Variants in C8orf33 observed in about 807,000 individuals in gnomAD.
C8orf33 encodes the protein chromosome 8 open reading frame 33, also known as UPF0488 protein C8orf33.
Under a neutral mutation model 25.7 loss-of-function variants are expected in C8orf33, and 28 were observed. The observed-to-expected ratio is 1.09, with a 90% CI of 0.81 to 1.49. C8orf33 has a LOEUF of 1.49. C8orf33 is among the 40% of genes most tolerant of loss of function. The pLI is 0.00. For missense variants in C8orf33, 369 were observed against 294.4 expected (o/e 1.25, Z -1.85); for synonymous variants, 153 against 115.9 (o/e 1.32, Z -2.06).
rs773455210 is a variant in C8orf33, at chr8:145,053,253, G to A, written c.404-44G>A. ...TGGCTTTGCGGCGGGGTGGTAGGAG[G>A]TCAGTAATAGAGGTGTTCACTAGTC... is the stretch of plus-strand genomic sequence containing the variant. On this transcript the variant is annotated intron_variant, in intron 3 of 4. Transcript: ENST00000331434. The A allele has an allele frequency of 5.6e-6, 9 of 1,613,316 alleles. No homozygotes were observed. In the East Asian group the frequency reaches 8.9e-5, roughly 16 times the overall value.
Position 145,054,380 on chromosome 8 carries a change from G to A in C8orf33, c.*223G>A. 2.1e-6 allele frequency: 1 copy of A among 479,910 alleles called. No individual in the cohort carries two copies. Among genetic ancestry groups the A allele is most frequent in the Non-Finnish European group, 3.7e-6 (1 of 269,830 alleles). 29.7% of individuals were successfully genotyped at this position (479,910 alleles called of 1,614,324 possible). ...TGTTCTCTCTTTCAGAAGAGAGAGAGAGGTGCATTTAGAAAATATGCAATA... is the reference window on the plus strand; with the variant it reads ...TGTTCTCTCTTTCAGAAGAGAGAGAAAGGTGCATTTAGAAAATATGCAATA... On this transcript the variant is annotated 3_prime_UTR_variant, in exon 5 of 5. Coordinates refer to ENST00000331434, the MANE Select transcript of C8orf33 (RefSeq NM_023080.3).
intron 4 of C8orf33, 183 bp downstream of exon 4, chr8:145,053,626 T>A: frequency 1.5e-6 from 1 of 657,734 alleles, no homozygotes; most frequent in Non-Finnish European, 2.5e-6. Context: ...GGACTGAACC[T>A]GGGAAGCAGC....
Position 145,052,617 on chromosome 8 carries a change from C to T in C8orf33, c.38C>T (p.Ala13Val), listed in dbSNP as rs199517196. The T allele has an allele frequency of 1.9e-5, 30 of 1,609,286 alleles. No homozygotes were observed. Among genetic ancestry groups the T allele is most frequent in the African/African-American group, 8.0e-5 (6 of 74,958 alleles). ...ALGHLAGEAA[A>V]APGPGTPCAS... is the part of the protein sequence containing the mutation. ...GGACATCTTGCTGGGGAGGCAGCGG[C>T]GGCCCCAGGCCCGGGTACTCCCTGC... The change falls in exon 2 of 5, where the codon GCG (alanine) becomes GTG (valine). Residue 13 changes from alanine (A) to valine (V), a missense_variant. By Grantham distance (64) the Ala-to-Val change is moderately conservative. Transcript: ENST00000331434.
chr8:145,054,078 T>A lies in C8orf33; in HGVS notation c.611T>A (p.Val204Asp). 1 of 1,614,054 alleles carries A rather than the reference T, an allele frequency of 6.2e-7. No homozygotes were observed. Among genetic ancestry groups the A allele is most frequent in the Non-Finnish European group, 8.5e-7 (1 of 1,180,004 alleles). The change falls in exon 5 of 5, where the codon GTC (valine) becomes GAC (aspartate). Residue 204 changes from valine to aspartate, a missense_variant. Transcript: ENST00000331434. ...GCCACCAGAAAGAAGAGCCAAAGGGTCTGCAGGCCTCGCTCTATATGGAGA... is the reference window on the plus strand; with the variant it reads ...GCCACCAGAAAGAAGAGCCAAAGGGACTGCAGGCCTCGCTCTATATGGAGA... ...DGATRKKSQR[V>D]CRPRSIWRAK...
intron 1 of C8orf33, 21 bp downstream of exon 1, chr8:145,052,518 G>T (rs1406146109): frequency 6.2e-7 from 1 of 1,600,106 alleles, no homozygotes; most frequent in Non-Finnish European, 8.5e-7. Context: ...TGGAGAAGAC[G>T]CGCGGGTGGC....
rs754004480 is a variant in C8orf33, at chr8:145,054,284, A to G, written c.*127A>G. 27 of 1,092,700 alleles carry G rather than the reference A, an allele frequency of 2.5e-5. No individual in the cohort carries two copies. Among genetic ancestry groups the G allele is most frequent in the South Asian group, 1.1e-4 (7 of 63,066 alleles). 67.7% of individuals were successfully genotyped at this position (1,092,700 alleles called of 1,614,324 possible). On this transcript the variant is annotated 3_prime_UTR_variant, in exon 5 of 5. Transcript: ENST00000331434. Reference sequence around the variant, plus strand: ...AGTTGGTCTGTCCCTGGCTGGTCCAAGGATTTGTAGCTGTTGTGAAGGTGT... The same window carrying G: ...AGTTGGTCTGTCCCTGGCTGGTCCAGGGATTTGTAGCTGTTGTGAAGGTGT...
At chr8:145,053,899 G>A (rs1459881282) in intron 4 of C8orf33, 119 bp from the exon 5 acceptor site, 11 of 1,254,082 alleles carry the variant, frequency 8.8e-6, no homozygotes, top group East Asian at 2.3e-5. Context: ...TTACAAATTT[G>A]AGGAATTAAT....
At chr8:145,053,997 C>T (rs780451347) in intron 4 of C8orf33, 21 bp from the exon 5 acceptor site, 30 of 1,611,874 alleles carry the variant, frequency 1.9e-5, no homozygotes, top group East Asian at 6.7e-5. Context: ...TTCTGACATA[C>T]GCTGCTTCTC....
chr8:145,053,485 A>T (rs200973104), intron 4 of C8orf33, 42 bp downstream of exon 4: 2 of 1,605,664 alleles, frequency 1.2e-6, no homozygotes, highest in East Asian at 2.2e-5. Context: ...GGCCTAACTT[A>T]AGGAGGAAGT....
chr8:145,053,542 G>T, intron 4 of C8orf33, 99 bp downstream of exon 4: 1 of 1,287,852 alleles, frequency 7.8e-7, no homozygotes. Flanking sequence ...AGCCTGGTGG[G>T]GGAAGGAGAT....
At chr8:145,053,216 G>A (rs1408304759) in intron 3 of C8orf33, 70 bp downstream of exon 3, 1 of 1,612,932 alleles carries the variant, frequency 6.2e-7, no homozygotes, top group African/African-American at 1.3e-5. Flanking sequence ...TGCTGGCAGA[G>A]TATGGAGTTG....
Position 145,054,554 on chromosome 8 carries a change from G to A in C8orf33, c.*397G>A, listed in dbSNP as rs985234669. 3 of 173,832 alleles carry A rather than the reference G, an allele frequency of 1.7e-5. No homozygotes were observed. In the East Asian group the frequency reaches 5.1e-4, roughly 29 times the overall value. 10.8% of individuals were successfully genotyped at this position (173,832 alleles called of 1,614,324 possible). On this transcript the variant is annotated 3_prime_UTR_variant, in exon 5 of 5. Transcript: ENST00000331434. Reference sequence around the variant, plus strand: ...TTTTGAAAGGAATCCCTGTCAAATGGTTTAGTGCTTAATGCTGTTATGTCA... The same window carrying A: ...TTTTGAAAGGAATCCCTGTCAAATGATTTAGTGCTTAATGCTGTTATGTCA...
rs146210967 is a variant in C8orf33, at chr8:145,054,768, C to G, written c.*611C>G. 1 of 152,456 alleles carries G rather than the reference C, an allele frequency of 6.6e-6. No homozygotes were observed. The highest frequency in any genetic ancestry group is 1.9e-4 in the East Asian group (1 of 5,192). 9.4% of individuals were successfully genotyped at this position (152,456 alleles called of 1,614,324 possible). ...CATCCTCAGGGAACCAGCATGGCAC[C>G]TACCAGGCCAGGCTCTGTTCTTAGG... On this transcript the variant is annotated 3_prime_UTR_variant, in exon 5 of 5. Transcript: ENST00000331434.
At position 145,053,473 on chromosome 8, in the gene C8orf33, A is replaced by G. The variant is rs1352108305; in HGVS notation, c.550+30A>G. On this transcript the variant is annotated intron_variant, in intron 4 of 4. Coordinates refer to ENST00000331434, the MANE Select transcript of C8orf33 (RefSeq NM_023080.3). ...GGAGCTAGCCACTGGTTGATTCAGG[A>G]AGGCCTAACTTAAGGAGGAAGTGTC... The G allele has an allele frequency of 3.7e-6, 6 of 1,611,532 alleles. No individual in the cohort carries two copies. The South Asian group carries it at 6.6e-5, about 18-fold the overall frequency.
In C8orf33 at chr8:145,054,708, C is replaced by G. The variant is rs149679143; in HGVS notation, c.*551C>G. ...CTGGGTCCAGTCCCTCACCTGGTAC[C>G]TTTGTGCATGTTGCCTTCATTCCTG... On this transcript the variant is annotated 3_prime_UTR_variant, in exon 5 of 5. Coordinates refer to ENST00000331434, the MANE Select transcript of C8orf33 (RefSeq NM_023080.3). 1 of 152,816 alleles carries G rather than the reference C, an allele frequency of 6.5e-6. No individual in the cohort carries two copies. Among genetic ancestry groups the G allele is most frequent in the East Asian group, 1.9e-4 (1 of 5,186 alleles). The allele number at this position is 152,816 out of a possible 1,614,324, so 9.5% of individuals were successfully genotyped here. A position where few individuals can be genotyped will look rare whatever the true frequency, so the allele number is the denominator to read the frequency against.
chr8:145,052,565 G>C lies in C8orf33; in HGVS notation c.7-21G>C, dbSNP rs1402476591. Reference sequence around the variant, plus strand: ...TTGTTGGCGGCTCTCGGTGACCCTCGTGCTACCCCCCTTTCTCCAGGCCCT... The same window carrying C: ...TTGTTGGCGGCTCTCGGTGACCCTCCTGCTACCCCCCTTTCTCCAGGCCCT... On this transcript the variant is annotated intron_variant, in intron 1 of 4. Coordinates refer to ENST00000331434, the MANE Select transcript of C8orf33 (RefSeq NM_023080.3). 2.5e-6 allele frequency: 4 copies of C among 1,601,774 alleles called. No homozygotes were observed. In the African/African-American group the frequency reaches 4.0e-5, roughly 16 times the overall value.
Position 145,053,136 on chromosome 8 carries a change from C to G in C8orf33, c.393C>G (p.Thr131=), listed in dbSNP as rs1453799752. 1 of 1,614,054 alleles carries G rather than the reference C, an allele frequency of 6.2e-7. No homozygotes were observed. ...LELGLKRQKP[T]PKQKEQAIGA... ...TGGGCCTCAAGAGGCAGAAACCCAC[C>G]CCGAAACAGAGTAAGGGACCCTTCT... is the stretch of plus-strand genomic sequence containing the variant. The change falls in exon 3 of 5, where the codon ACC becomes ACG. Residue 131 remains threonine, a synonymous_variant. Transcript: ENST00000331434.
At position 145,052,800 on chromosome 8, in the gene C8orf33, A is replaced by G. The variant is rs1056519891; in HGVS notation, c.221A>G (p.Lys74Arg). The change falls in exon 2 of 5, where the codon AAG (lysine) becomes AGG (arginine). Residue 74 changes from lysine to arginine, a missense_variant. Lys to Arg is a conservative substitution (Grantham distance 26, BLOSUM62 2). Coordinates refer to ENST00000331434, the MANE Select transcript of C8orf33 (RefSeq NM_023080.3). ...GGTASKKQKN[K>R]KKTRNRASVA... ...ACAGCGTCGAAAAAACAAAAGAATA[A>G]GAAGAAAACGCGGAACAGGGCCTCT... is the stretch of plus-strand genomic sequence containing the variant. The G allele has an allele frequency of 1.9e-6, 3 of 1,614,036 alleles. No homozygotes were observed. The highest frequency in any genetic ancestry group is 2.5e-6 in the Non-Finnish European group (3 of 1,180,012).
chr8:145,054,136 G>GT lies in C8orf33; in HGVS notation c.672dup (p.Arg225Ter). 2 of 1,614,144 alleles carry GT rather than the reference G, an allele frequency of 1.2e-6. No homozygotes were observed. The highest frequency in any genetic ancestry group is 1.7e-6 in the Non-Finnish European group (2 of 1,180,016). On this transcript the variant is annotated frameshift_variant, in exon 5 of 5. Coordinates refer to ENST00000331434, the MANE Select transcript of C8orf33 (RefSeq NM_023080.3). LOFTEE classifies it high-confidence loss of function. ...CCACTCTGGACATGCCTGATGAAGA[G>GT]TTTAGGTTCAATTTCTTTTAGCGTC...
Sources: gnomAD v4.1 joint callset for allele counts on GRCh38, gnomAD v4.1.1 for gene constraint, MANE v1.5 for transcripts, NCBI Gene and HGNC (gene_info 2026-07-23, HGNC 2026-07-21) for gene names.